SEC24D: variants seen among roughly 807,000 people sequenced by gnomAD.
SEC24D encodes the protein SEC24 homolog D, COPII component, also known as protein transport protein Sec24D.
A neutral mutation model predicts 116.9 loss-of-function variants in SEC24D; 69 were observed. The observed-to-expected ratio is 0.59, with a 90% CI of 0.49 to 0.72. The LOEUF is 0.72. Among genes scored for constraint, SEC24D ranks in the 30% least tolerant of loss-of-function variants. The pLI, the probability that SEC24D is intolerant of heterozygous loss-of-function variation, is 0.00. For missense variants in SEC24D, 1,131 were observed against 1,264.1 expected, an observed-to-expected ratio of 0.89 and a Z score of 1.60; for synonymous variants, 405 against 442.8, an observed-to-expected ratio of 0.91 and a Z score of 1.07.
chr4:118,727,553 C>T (rs893783695), intron 22 of SEC24D, among the ~76,000 whole-genome samples: 1 of 152,014 alleles, frequency 6.6e-6, no homozygotes, highest in African/African-American at 2.4e-5. Flanking sequence ...ATCATTATTG[C>T]TGTGCATTCT....
At chr4:118,735,973 T>A (rs149015120) in intron 19 of SEC24D, 2,916 of 149,824 alleles carry the variant, frequency 0.019, 182 homozygotes, top group Admixed American at 0.13. Flanking sequence ...GGATTACAAG[T>A]GTGAGCCACT....
intron 8 of SEC24D, among the ~76,000 whole-genome samples, chr4:118,770,058 T>C (rs1029055846): frequency 2.4e-4 from 36 of 152,170 alleles, no homozygotes; most frequent in Non-Finnish European, 5.1e-4. Context: ...GTAAAAACAT[T>C]ATTGTAAAAA....
In SEC24D at chr4:118,809,215, G is replaced by A. The variant is rs575518883; in HGVS notation, c.802-3261C>T. Among the ~76,000 whole-genome samples, 161 of 151,906 alleles carry A rather than the reference G, an allele frequency of 1.1e-3. 2 individuals are homozygous for A. The highest frequency in any genetic ancestry group is 3.4e-3 in the Middle Eastern group (1 of 294). The stretch of plus-strand genomic sequence containing the variant: ...TCTCGATCTCCTGACCTCGTGATCC[G>A]CCCGCCTCAGCCTCCCAAAGTGCTG... On this transcript the variant is annotated intron_variant, in intron 6 of 22. Transcript: ENST00000280551.
chr4:118,770,226 T>C (rs905596639), intron 8 of SEC24D, among the ~76,000 whole-genome samples: 20 of 152,296 alleles, frequency 1.3e-4, no homozygotes, highest in African/African-American at 4.8e-4. Flanking sequence ...CACCACTCTT[T>C]CAGACAAACT....
At chr4:118,818,048 A>G (rs1184327276) in intron 3 of SEC24D, among the ~76,000 whole-genome samples, 1 of 152,058 alleles carries the variant, frequency 6.6e-6, no homozygotes, top group African/African-American at 2.4e-5. Flanking sequence ...AAGAGAAAAA[A>G]AAAAAATCTA....
chr4:118,745,668 T>A (rs1023225742), intron 13 of SEC24D, among the ~76,000 whole-genome samples: 1 of 152,214 alleles, frequency 6.6e-6, no homozygotes, highest in African/African-American at 2.4e-5. Flanking sequence ...CAAAGCTCCA[T>A]GACAGTCAAG....
intron 10 of SEC24D, 108 bp downstream of exon 10, chr4:118,764,694 C>T (rs1578410864): frequency 9.3e-6 from 6 of 641,804 alleles, no homozygotes; most frequent in East Asian, 2.8e-5. Flanking sequence ...TCCATGGTAC[C>T]ACCAAAATGC....
At chr4:118,732,690 C>G in intron 20 of SEC24D, 43 bp downstream of exon 20, 1 of 1,577,288 alleles carries the variant, frequency 6.3e-7, no homozygotes, top group Non-Finnish European at 8.7e-7. Context: ...ATATGATTCC[C>G]TTCCAGCCTC....
rs139254700 is a variant in SEC24D at position 118,731,771 on chromosome 4, A to T, written c.2677-264T>A. ...GAAGAGTTATGAAGAAAAGATGCAC[A>T]AAAGTGGGATGGGGTGTGTCGCTGA... On this transcript the variant is annotated intron_variant, in intron 20 of 22. Transcript: ENST00000280551. 8.8e-3 allele frequency among the ~76,000 whole-genome samples: 1,333 copies of T among 152,342 alleles called. 11 individuals are homozygous for T. The highest frequency in any genetic ancestry group is 0.013 in the Non-Finnish European group (906 of 68,036).
In SEC24D at chr4:118,764,792, G is replaced by A. The variant is rs376099608; in HGVS notation, c.1296+10C>T. ...AATGTATAAACACTTGAAGTTCTGG[G>A]AACACTTACTCTGCAATAATCCAAA... On this transcript the variant is annotated intron_variant, in intron 10 of 22. Transcript: ENST00000280551. 1 of 1,433,186 alleles carries A rather than the reference G, an allele frequency of 7.0e-7. No homozygotes were observed. Among genetic ancestry groups the A allele is most frequent in the African/African-American group, 1.4e-5 (1 of 71,384 alleles). The allele number at this position is 1,433,186 out of a possible 1,614,324, so 88.8% of individuals were successfully genotyped here. A position where few individuals can be genotyped will look rare whatever the true frequency, so the allele number is the denominator to read the frequency against.
chr4:118,783,617 T>G (rs576373372), intron 8 of SEC24D, among the ~76,000 whole-genome samples: 23 of 152,322 alleles, frequency 1.5e-4, no homozygotes, highest in South Asian at 8.3e-4. Context: ...AGTTTATAAA[T>G]TATCATATCA....
At chr4:118,729,332 A>G (rs1487632073) in intron 21 of SEC24D, 1 of 152,156 alleles carries the variant, frequency 6.6e-6, no homozygotes, top group Non-Finnish European at 1.5e-5. Flanking sequence ...GCCATTTTAT[A>G]TGAGGGACTT....
chr4:118,741,560 C>T (rs2110441966), intron 15 of SEC24D, among the ~76,000 whole-genome samples: 1 of 152,246 alleles, frequency 6.6e-6, no homozygotes, highest in African/African-American at 2.4e-5. Flanking sequence ...ATATAATATG[C>T]ACATGTGCAC....
chr4:118,793,465 T>C (rs1163146548), intron 8 of SEC24D, among the ~76,000 whole-genome samples: 1 of 44,520 alleles, frequency 2.2e-5, no homozygotes, highest in Non-Finnish European at 4.0e-5. Context: ...AGACTCCGTC[T>C]CAAAAAAAAA....
chr4:118,815,315 T>C (rs1730094069), intron 5 of SEC24D, 136 bp downstream of exon 5: 1 of 1,378,016 alleles, frequency 7.3e-7, no homozygotes, highest in Non-Finnish European at 9.9e-7. Context: ...TTCTTTGCTC[T>C]TGCCAAAACT....
At chr4:118,813,149 G>A (rs1043490783) in intron 6 of SEC24D, among the ~76,000 whole-genome samples, 3 of 152,200 alleles carry the variant, frequency 2.0e-5, no homozygotes, top group Non-Finnish European at 4.4e-5. Flanking sequence ...AAGAGGCAGA[G>A]GAATTTTGAG....
intron 6 of SEC24D, among the ~76,000 whole-genome samples, chr4:118,810,308 T>A (rs1349618348): frequency 1.3e-5 from 2 of 151,964 alleles, no homozygotes; most frequent in African/African-American, 4.8e-5. Flanking sequence ...GGAGACCAAT[T>A]AGGAGGCTCT....
intron 9 of SEC24D, among the ~76,000 whole-genome samples, chr4:118,767,826 GA>G (rs1185688424): frequency 6.6e-6 from 1 of 152,148 alleles, no homozygotes; most frequent in Non-Finnish European, 1.5e-5. Flanking sequence ...GACAAAAGAG[GA>G]AAAGTCTCCC....
At chr4:118,783,671 T>G (rs1392945407) in intron 8 of SEC24D, among the ~76,000 whole-genome samples, 2 of 152,224 alleles carry the variant, frequency 1.3e-5, no homozygotes, top group East Asian at 3.8e-4. Context: ...ATGAGATGAC[T>G]GAAAACATCA....
Sources: allele counts gnomAD v4.1 joint callset (sites outside exome capture counted in the v4.1 genomes callset), GRCh38; gene constraint gnomAD v4.1.1; transcripts MANE v1.5; gene names NCBI Gene and HGNC (gene_info 2026-07-23, HGNC 2026-07-21).